Variants in CHN2 observed in about 807,000 individuals in gnomAD.
The protein encoded by CHN2 is beta-chimaerin.
A neutral mutation model predicts 56.3 loss-of-function variants in CHN2; 35 were observed. The observed-to-expected ratio is 0.62, with a 90% CI of 0.47 to 0.82. The LOEUF is 0.82. Ranked by LOEUF, CHN2 falls within the 40% of genes least tolerant of loss-of-function variation. The pLI is 0.00. For synonymous variants in CHN2, 210 were observed against 212.8 expected (o/e 0.99, Z 0.12); for missense variants, 491 against 580.5 (o/e 0.85, Z 1.58).
chr7:29,157,899 G>T (rs554940053), intron 2 of CHN2, among the ~76,000 whole-genome samples: 4 of 152,238 alleles, frequency 2.6e-5, no homozygotes, highest in African/African-American at 7.2e-5. Context: ...AAATGCTCCG[G>T]CAGTCCTTTC....
intron 2 of CHN2, among the ~76,000 whole-genome samples, chr7:29,157,347 C>G (rs1584467583): frequency 6.6e-6 from 1 of 152,130 alleles, no homozygotes; most frequent in Admixed American, 6.5e-5. Flanking sequence ...ATGCCCAGCC[C>G]CTGCTGGTTT....
intron 3 of CHN2, among the ~76,000 whole-genome samples, chr7:29,374,565 G>A (rs1028068770): frequency 6.6e-6 from 1 of 152,148 alleles, no homozygotes; most frequent in African/African-American, 2.4e-5. Flanking sequence ...TTTCCAAGGT[G>A]AGGTCATAAG....
intron 1 of CHN2, chr7:29,213,256 G>A (rs1477923699): frequency 5.2e-6 from 5 of 955,308 alleles, no homozygotes; most frequent in African/African-American, 1.6e-5. Context: ...ACTCTGGGTA[G>A]TGGCTGAATC....
chr7:29,285,536 T>C (rs182506312), intron 1 of CHN2, among the ~76,000 whole-genome samples: 4 of 152,370 alleles, frequency 2.6e-5, no homozygotes, highest in African/African-American at 9.6e-5. Context: ...TTTCCATGAA[T>C]GCAGCGTTAG....
In CHN2 at chr7:29,461,952, TA is replaced by T. The variant is rs370266013; in HGVS notation, c.577-18321del. Among the ~76,000 whole-genome samples the T allele has an allele frequency of 7.9e-5, 12 of 152,328 alleles. No homozygotes were observed. In the East Asian group the frequency reaches 1.5e-3, roughly 20 times the overall value. On this transcript the variant is annotated intron_variant, in intron 6 of 12. Coordinates refer to ENST00000222792, the MANE Select transcript of CHN2 (RefSeq NM_004067.4). ...AAATTGTAACTGTATATTTCTGTCA[TA>T]AAAAATACCTTTTTTGTCATATACA...
intron 1 of CHN2, among the ~76,000 whole-genome samples, chr7:29,204,802 A>G (rs1784407200): frequency 6.6e-6 from 1 of 152,166 alleles, no homozygotes; most frequent in African/African-American, 2.4e-5. Context: ...ACTAATCCAC[A>G]TGCCTTTTTT....
chr7:29,402,203 C>T (rs768040498), intron 6 of CHN2, among the ~76,000 whole-genome samples: 21 of 152,228 alleles, frequency 1.4e-4, no homozygotes, highest in Middle Eastern at 3.4e-3. Context: ...ACCGTGGTCC[C>T]GTTGGTGGAG....
At position 29,154,794 on chromosome 7, in the gene CHN2, C is replaced by T. The variant is rs556331132; in HGVS notation, c.274+7834C>T. 2.6e-5 allele frequency among the ~76,000 whole-genome samples: 4 copies of T among 152,304 alleles called. No individual in the cohort carries two copies. The South Asian group carries it at 8.3e-4, about 32-fold the overall frequency. On this transcript the variant is annotated intron_variant, in intron 2 of 6. Transcript: ENST00000439384. The stretch of plus-strand genomic sequence containing the variant: ...AGGTTGCAGTGAACCAAGATTACGC[C>T]ACTGCACTCCAGCCTGGGCGACAGA...
At chr7:29,300,486 A>C (rs977955686) in intron 1 of CHN2, among the ~76,000 whole-genome samples, 2 of 152,106 alleles carry the variant, frequency 1.3e-5, no homozygotes, top group African/African-American at 4.8e-5. Flanking sequence ...TTGGGAAAAC[A>C]TTGCCCTTTT....
At chr7:29,319,089 G>A (rs1301960683) in intron 1 of CHN2, among the ~76,000 whole-genome samples, 1 of 152,194 alleles carries the variant, frequency 6.6e-6, no homozygotes, top group Non-Finnish European at 1.5e-5. Flanking sequence ...GGAGAAACGG[G>A]ATGCTTCTGT....
intron 7 of CHN2, 104 bp from the exon 8 acceptor site, chr7:29,495,848 C>G: frequency 4.7e-6 from 4 of 858,152 alleles, no homozygotes; most frequent in Non-Finnish European, 7.7e-6. Context: ...GAAGGAAAAG[C>G]CCAGTGGGGG....
intron 3 of CHN2, among the ~76,000 whole-genome samples, chr7:29,389,399 T>C (rs1287086190): frequency 6.6e-6 from 1 of 152,208 alleles, no homozygotes; most frequent in African/African-American, 2.4e-5. Context: ...CTACATACAG[T>C]GATTCTGACT....
chr7:29,348,941 T>C (rs1205675739), intron 1 of CHN2, among the ~76,000 whole-genome samples: 1 of 152,212 alleles, frequency 6.6e-6, no homozygotes, highest in Admixed American at 6.5e-5. Context: ...TGATAATTTC[T>C]ACATATATGA....
At chr7:29,339,020 T>C (rs1316324136) in intron 1 of CHN2, among the ~76,000 whole-genome samples, 1 of 152,242 alleles carries the variant, frequency 6.6e-6, no homozygotes, top group East Asian at 1.9e-4. Context: ...GATTTTATTT[T>C]ATACAAAGCC....
intron 2 of CHN2, among the ~76,000 whole-genome samples, chr7:29,162,678 A>T (rs1447200157): frequency 2.0e-5 from 3 of 151,992 alleles, no homozygotes; most frequent in African/African-American, 7.2e-5. Flanking sequence ...AAAAAAAAAA[A>T]AAGAACATTA....
intron 1 of CHN2, among the ~76,000 whole-genome samples, chr7:29,223,327 C>T (rs1288679660): frequency 6.6e-6 from 1 of 152,058 alleles, no homozygotes; most frequent in Non-Finnish European, 1.5e-5. Flanking sequence ...CATCCCAAAC[C>T]CCTCTCATTT....
rs1356505698 is a variant in CHN2, at chr7:29,355,113, C to T, written c.88+450C>T. Among the ~76,000 whole-genome samples, 3 of 151,918 alleles carry T rather than the reference C, an allele frequency of 2.0e-5. No individual in the cohort carries two copies. The East Asian group carries it at 5.8e-4, about 29-fold the overall frequency. ...CCTCCCAAGTAGCTGAGATTACAGG[C>T]ATGCGCCACCATGCCCGGCTAATTT... On this transcript the variant is annotated intron_variant, in intron 2 of 12. Transcript: ENST00000222792.
intron 1 of CHN2, among the ~76,000 whole-genome samples, chr7:29,353,191 G>T (rs1491003532): frequency 1.3e-5 from 2 of 152,120 alleles, no homozygotes; most frequent in Non-Finnish European, 2.9e-5. Context: ...TGATACAGTG[G>T]GCCCCAGAGA....
At chr7:29,401,198 G>A (rs12154875) in intron 6 of CHN2, 5 of 209,614 alleles carry the variant, frequency 2.4e-5, no homozygotes, top group Non-Finnish European at 3.9e-5. Flanking sequence ...AACCCAGGAC[G>A]GGGAGCTTGC....
Sources: gnomAD v4.1 joint callset for allele counts (sites outside exome capture counted in the v4.1 genomes callset) on GRCh38, gnomAD v4.1.1 for gene constraint, MANE v1.5 for transcripts, NCBI Gene and HGNC (gene_info 2026-07-23, HGNC 2026-07-21) for gene names.